DHX35: variants seen among roughly 807,000 people sequenced by gnomAD.
DHX35 encodes the protein probable ATP-dependent RNA helicase DHX35.
DHX35 carries 84 observed loss-of-function variants against 99.6 expected under a neutral mutation model. The ratio of observed to expected loss-of-function variants is 0.84; its 90% CI spans 0.71 to 1.01. The LOEUF (loss-of-function observed/expected upper bound fraction) is 1.01. DHX35 is among the 50% of genes least tolerant of loss of function. The probability of loss-of-function intolerance (pLI) is 0.00; values close to 1 mark genes in which losing one functional copy is unlikely to be tolerated. For missense variants in DHX35, 852 were observed against 888.5 expected (o/e 0.96, Z 0.52); for synonymous variants, 331 against 316.2 (o/e 1.05, Z -0.50).
intron 10 of DHX35, among the ~76,000 whole-genome samples, chr20:39,003,331 A>T (rs1005810723): frequency 6.6e-6 from 1 of 152,188 alleles, no homozygotes; most frequent in Non-Finnish European, 1.5e-5. Context: ...CTGCCCTCCA[A>T]CTGTAATCTT....
At chr20:39,037,325 T>C (rs1276606646) in intron 21 of DHX35, among the ~76,000 whole-genome samples, 2 of 152,214 alleles carry the variant, frequency 1.3e-5, no homozygotes, top group Non-Finnish European at 2.9e-5. Context: ...TATTTTTCCT[T>C]ATTCTCAGAG....
intron 2 of DHX35, among the ~76,000 whole-genome samples, chr20:38,971,773 A>T (rs921680033): frequency 2.0e-5 from 3 of 152,154 alleles, no homozygotes; most frequent in African/African-American, 7.2e-5. Context: ...CTTATAGTTC[A>T]TTCCATATCA....
At chr20:39,017,497 T>C (rs1204806415) in intron 14 of DHX35, among the ~76,000 whole-genome samples, 1 of 152,220 alleles carries the variant, frequency 6.6e-6, no homozygotes, top group Non-Finnish European at 1.5e-5. Flanking sequence ...GAATGAAATT[T>C]AAGATATTTC....
intron 1 of DHX35, 86 bp downstream of exon 1, chr20:38,962,493 C>T: frequency 6.6e-7 from 1 of 1,521,986 alleles, no homozygotes; most frequent in Admixed American, 1.9e-5. Context: ...GCCAGCAGAC[C>T]TGCTCGCAGG....
At chr20:39,017,832 A>C (rs2086809674) in intron 14 of DHX35, among the ~76,000 whole-genome samples, 1 of 152,202 alleles carries the variant, frequency 6.6e-6, no homozygotes, top group South Asian at 2.1e-4. Context: ...GATCTGGGTT[A>C]GTGTTTAGAT....
At chr20:38,972,897 C>A (rs1231104092) in intron 3 of DHX35, among the ~76,000 whole-genome samples, 1 of 152,122 alleles carries the variant, frequency 6.6e-6, no homozygotes, top group African/African-American at 2.4e-5. Flanking sequence ...CTGAAAGTTA[C>A]AATGGAGATT....
rs777544014 is a variant in DHX35, at chr20:38,988,926, C to T, written c.450+9C>T. The stretch of plus-strand genomic sequence containing the variant: ...TGGCCACGAGAATTAAGGTAAAGTG[C>T]TCAAGCTGCTTTTCCTAGTGGAAAT... On this transcript the variant is annotated intron_variant, in intron 5 of 21. Coordinates refer to ENST00000252011, the MANE Select transcript of DHX35 (RefSeq NM_021931.4). 2.5e-6 allele frequency: 4 copies of T among 1,610,356 alleles called. No homozygotes were observed. The highest frequency in any genetic ancestry group is 3.4e-6 in the Non-Finnish European group (4 of 1,177,296).
Position 39,039,502 on chromosome 20 carries a change from G to A in DHX35, c.*959G>A, listed in dbSNP as rs180773326. 1 of 152,522 alleles carries A rather than the reference G, an allele frequency of 6.6e-6. No individual in the cohort carries two copies. The highest frequency in any genetic ancestry group is 1.9e-4 in the East Asian group (1 of 5,190). The allele number at this position is 152,522 out of a possible 1,614,324, so 9.4% of individuals were successfully genotyped here. On this transcript the variant is annotated 3_prime_UTR_variant, in exon 22 of 22. Coordinates refer to ENST00000252011, the MANE Select transcript of DHX35 (RefSeq NM_021931.4). ...TGATGATGATTGCATTTCAACACATGCCAGATGCAGATTTTTTCCCCCTTA... is the reference window on the plus strand; with the variant it reads ...TGATGATGATTGCATTTCAACACATACCAGATGCAGATTTTTTCCCCCTTA...
intron 6 of DHX35, 40 bp downstream of exon 6, chr20:38,991,555 A>G: frequency 6.3e-7 from 1 of 1,583,420 alleles, no homozygotes; most frequent in Non-Finnish European, 8.7e-7. Context: ...CTAGTTTCCA[A>G]AGTCCCCAGG....
chr20:38,988,727 A>G, intron 4 of DHX35, 86 bp from the exon 5 acceptor site: 2 of 1,559,558 alleles, frequency 1.3e-6, no homozygotes, highest in Non-Finnish European at 8.8e-7. Context: ...TATTTAAAAT[A>G]TAAATGACCT....
intron 14 of DHX35, among the ~76,000 whole-genome samples, chr20:39,015,849 C>T (rs1198773430): frequency 2.0e-5 from 3 of 152,200 alleles, no homozygotes; most frequent in Admixed American, 2.0e-4. Flanking sequence ...TTCTCATTCT[C>T]TTTCCCCCTA....
chr20:38,992,222 A>G, intron 6 of DHX35, 134 bp from the exon 7 acceptor site: 2 of 659,810 alleles, frequency 3.0e-6, no homozygotes, highest in Non-Finnish European at 5.2e-6. Flanking sequence ...ATTGTCAAAG[A>G]AGAGTGACTT....
In DHX35 at chr20:38,962,694, G is replaced by A. The variant is rs2085852007; in HGVS notation, c.40+287G>A. On this transcript the variant is annotated intron_variant, in intron 1 of 21. Transcript: ENST00000252011. Reference sequence around the variant, plus strand: ...CTGATGCTTGTCCTGCCCACCCCGCGAGATGGGGAATCCTAAAGCTCCCTC... The same window carrying A: ...CTGATGCTTGTCCTGCCCACCCCGCAAGATGGGGAATCCTAAAGCTCCCTC... 11 of 442,084 alleles carry A rather than the reference G, an allele frequency of 2.5e-5. No homozygotes were observed. The South Asian group carries it at 3.4e-4, about 14-fold the overall frequency. 27.4% of individuals were successfully genotyped at this position (442,084 alleles called of 1,614,324 possible). A position where few individuals can be genotyped will look rare whatever the true frequency, so the allele number is the denominator to read the frequency against.
At chr20:38,990,815 A>G (rs1235475142) in intron 5 of DHX35, among the ~76,000 whole-genome samples, 1 of 152,144 alleles carries the variant, frequency 6.6e-6, no homozygotes, top group Non-Finnish European at 1.5e-5. Context: ...AGGAACTACT[A>G]TACTATCTTA....
intron 4 of DHX35, among the ~76,000 whole-genome samples, chr20:38,988,365 C>T (rs1366094417): frequency 1.3e-5 from 2 of 152,164 alleles, no homozygotes; most frequent in Non-Finnish European, 2.9e-5. Context: ...TGTGGTGGCT[C>T]ACGCCTGTAA....
chr20:38,994,548 G>A (rs2086394380), intron 7 of DHX35, among the ~76,000 whole-genome samples: 1 of 150,784 alleles, frequency 6.6e-6, no homozygotes, highest in African/African-American at 2.4e-5. Flanking sequence ...GGGTCTTAAA[G>A]CTTCTTTATA....
rs772380748 is a variant in DHX35, at chr20:38,988,878, C to T, written c.411C>T (p.Arg137=). 16 of 1,613,778 alleles carry T rather than the reference C, an allele frequency of 9.9e-6. No individual in the cohort carries two copies. The highest frequency in any genetic ancestry group is 1.4e-5 in the Non-Finnish European group (16 of 1,179,846). ...GCCACGAGGTGGGCTACTGCATCCG[C>T]TTTGATGACTGCACCGACCAGCTGG... The part of the protein sequence containing the change: ...VLGHEVGYCI[R]FDDCTDQLAT... Residue 137 remains arginine (R), a synonymous_variant, in exon 5 of 22, where the codon CGC becomes CGT. Coordinates refer to ENST00000252011, the MANE Select transcript of DHX35 (RefSeq NM_021931.4).
chr20:39,027,161 T>C (rs1375829567), intron 18 of DHX35, among the ~76,000 whole-genome samples: 1 of 152,162 alleles, frequency 6.6e-6, no homozygotes, highest in East Asian at 1.9e-4. Flanking sequence ...AAATTTCTTA[T>C]GGACAATAGG....
intron 18 of DHX35, among the ~76,000 whole-genome samples, chr20:39,026,011 G>A (rs551808537): frequency 3.3e-4 from 50 of 152,200 alleles, no homozygotes; most frequent in Non-Finnish European, 4.0e-4. Context: ...CCACGCAACT[G>A]GTAAGGAGGA....
Sources: gnomAD v4.1 joint callset for allele counts (sites outside exome capture counted in the v4.1 genomes callset) on GRCh38, gnomAD v4.1.1 for gene constraint, MANE v1.5 for transcripts, NCBI Gene and HGNC (gene_info 2026-07-23, HGNC 2026-07-21) for gene names.